The following SP100 variants were observed in gnomAD, a reference collection of about 807,000 sequenced individuals.
SP100 encodes SP100 nuclear body protein.
SP100 carries 84 observed loss-of-function variants against 130.0 expected under a neutral mutation model. The observed-to-expected ratio is 0.65, with a 90% CI of 0.54 to 0.77. The LOEUF is 0.77. Ranked by LOEUF, SP100 falls within the 30% of genes least tolerant of loss-of-function variation. SP100 has a pLI of 0.00. For missense variants in SP100, 978 were observed against 1,052.2 expected, an observed-to-expected ratio of 0.93 and a Z score of 0.97; for synonymous variants, 331 against 351.7, an observed-to-expected ratio of 0.94 and a Z score of 0.66.
chr2:230,522,256 G>T (rs1202765310), intron 24 of SP100, among the ~76,000 whole-genome samples: 1 of 152,104 alleles, frequency 6.6e-6, no homozygotes, highest in Non-Finnish European at 1.5e-5. Context: ...TTTGGTGATT[G>T]TGTGTGTGTT....
At position 230,542,038 on chromosome 2, in the gene SP100, G is replaced by A. The variant is rs566116933; in HGVS notation, c.2547+3G>A. ...ATAACCACAAGGAATTTTACAGGGTGAGTGGCTCTCCCTGCTTCCTTTTCT... is the reference window on the plus strand; with the variant it reads ...ATAACCACAAGGAATTTTACAGGGTAAGTGGCTCTCCCTGCTTCCTTTTCT... On this transcript the variant is annotated splice_donor_region_variant and intron_variant, in intron 28 of 28. Coordinates refer to ENST00000340126, the MANE Select transcript of SP100 (RefSeq NM_001080391.2). The A allele has an allele frequency of 1.5e-5, 25 of 1,613,828 alleles. No homozygotes were observed. The South Asian group carries it at 2.3e-4, about 15-fold the overall frequency.
chr2:230,538,223 A>C (rs1262850350), intron 24 of SP100: 1 of 152,180 alleles, frequency 6.6e-6, no homozygotes, highest in Non-Finnish European at 1.5e-5. Flanking sequence ...ATTCTTACTA[A>C]AAAGGTTAAA....
intron 17 of SP100, among the ~76,000 whole-genome samples, chr2:230,488,428 T>G (rs1223557164): frequency 3.9e-5 from 6 of 152,222 alleles, no homozygotes; most frequent in Non-Finnish European, 7.4e-5. Context: ...TGTTGTTGTT[T>G]TTTGAGACGG....
intron 24 of SP100, chr2:230,538,145 T>G (rs1488331856): frequency 6.6e-6 from 1 of 152,188 alleles, no homozygotes; most frequent in Non-Finnish European, 1.5e-5. Flanking sequence ...TCCAGAGATG[T>G]TTTTTAATGC....
intron 18 of SP100, 26 bp from the exon 19 acceptor site, chr2:230,498,435 A>G (rs750976426): frequency 1.7e-5 from 23 of 1,377,146 alleles, no homozygotes; most frequent in South Asian, 8.5e-5. Flanking sequence ...TACACCATCC[A>G]TATTTATATT....
intron 1 of SP100, 150 bp downstream of exon 1, chr2:230,416,478 T>G: frequency 1.3e-6 from 1 of 744,578 alleles, no homozygotes; most frequent in South Asian, 1.9e-5. Context: ...GAAAGACAAG[T>G]AATGAGGAAA....
Position 230,511,173 on chromosome 2 carries a change from A to C in SP100, c.2094+7A>C. The C allele has an allele frequency of 6.2e-7, 1 of 1,603,604 alleles. No individual in the cohort carries two copies. The highest frequency in any genetic ancestry group is 8.5e-7 in the Non-Finnish European group (1 of 1,170,468). ...TACCTTAGTTGACCCTTGTGTAAGTATAAATTTCCGACTATGACCCCAAAA... is the reference window on the plus strand; with the variant it reads ...TACCTTAGTTGACCCTTGTGTAAGTCTAAATTTCCGACTATGACCCCAAAA... On this transcript the variant is annotated splice_region_variant and intron_variant, in intron 24 of 28. Transcript: ENST00000340126.
chr2:230,529,688 T>A (rs1285231038), intron 24 of SP100, among the ~76,000 whole-genome samples: 1 of 152,236 alleles, frequency 6.6e-6, no homozygotes, highest in East Asian at 1.9e-4. Flanking sequence ...TCCCATCGTC[T>A]CAGCCCAAAA....
At chr2:230,463,460 A>G (rs2064774356) in intron 10 of SP100, among the ~76,000 whole-genome samples, 1 of 152,166 alleles carries the variant, frequency 6.6e-6, no homozygotes, top group African/African-American at 2.4e-5. Flanking sequence ...CTAGGGAAAG[A>G]CCTAAGAGCA....
intron 8 of SP100, among the ~76,000 whole-genome samples, chr2:230,457,873 GC>G (rs1476281477): frequency 4.6e-5 from 7 of 152,084 alleles, no homozygotes; most frequent in Admixed American, 3.3e-4. Context: ...TTCTATAAGG[GC>G]AAAACTTCCC....
chr2:230,524,198 A>AG (rs1420637165), intron 24 of SP100, among the ~76,000 whole-genome samples: 28 of 148,998 alleles, frequency 1.9e-4, no homozygotes, highest in Non-Finnish European at 3.4e-4. Context: ...AAAAAAAAAA[A>AG]AAAGAAAATT....
At chr2:230,417,521 A>G (rs2149849348) in intron 1 of SP100, 70 bp from the exon 2 acceptor site, 1 of 1,549,752 alleles carries the variant, frequency 6.5e-7, no homozygotes. Context: ...TTGTCTCTAA[A>G]CCTTAAAAAT....
intron 2 of SP100, among the ~76,000 whole-genome samples, chr2:230,439,609 T>C (rs1363345232): frequency 6.6e-6 from 1 of 152,044 alleles, no homozygotes; most frequent in Non-Finnish European, 1.5e-5. Flanking sequence ...TTTTTATTTA[T>C]TTATTTTTTT....
At chr2:230,515,493 G>C in intron 24 of SP100, 1 of 1,612,956 alleles carries the variant, frequency 6.2e-7, no homozygotes, top group Non-Finnish European at 8.5e-7. Context: ...AATACAAAAA[G>C]GATATTGCTG....
intron 24 of SP100, among the ~76,000 whole-genome samples, chr2:230,535,343 T>C (rs1202748983): frequency 6.6e-6 from 1 of 152,212 alleles, no homozygotes; most frequent in Non-Finnish European, 1.5e-5. Context: ...AGAAACTAAC[T>C]GAAAAACTGA....
rs149025504 is a variant in SP100, at chr2:230,541,339, G to A, written c.2370G>A (p.Ser790=). The A allele has an allele frequency of 1.2e-4, 189 of 1,614,010 alleles. No homozygotes were observed. Among genetic ancestry groups the A allele is most frequent in the African/African-American group, 2.8e-4 (21 of 75,040 alleles). The change falls in exon 27 of 29, where the codon TCG becomes TCA. Residue 790 remains serine (S), a synonymous_variant. Transcript: ENST00000340126. ...EFLLLKVYCD[S]KSCFFASEPY... ...TCCTCTTGAAGGTCTACTGTGATTC[G>A]AAAAGCTGCTTTTTCGCCTCAGAAC...
intron 24 of SP100, among the ~76,000 whole-genome samples, chr2:230,529,258 C>T (rs913957774): frequency 3.9e-5 from 6 of 152,194 alleles, no homozygotes; most frequent in African/African-American, 1.4e-4. Flanking sequence ...CCCTGGGATT[C>T]AAGGCTGGTT....
chr2:230,465,805 A>G (rs1649867), intron 11 of SP100, among the ~76,000 whole-genome samples: 36,826 of 152,068 alleles, frequency 0.24, 5,114 homozygotes, highest in Middle Eastern at 0.33. Flanking sequence ...AGGATTATGG[A>G]GAGAGCTGGG....
At chr2:230,517,484 A>C (rs1690976175) in intron 24 of SP100, among the ~76,000 whole-genome samples, 1 of 152,162 alleles carries the variant, frequency 6.6e-6, no homozygotes, top group South Asian at 2.1e-4. Context: ...GTTTTGGGCC[A>C]GGCGCCATAG....
Sources: allele counts gnomAD v4.1 joint callset (sites outside exome capture counted in the v4.1 genomes callset), GRCh38; gene constraint gnomAD v4.1.1; transcripts MANE v1.5; gene names NCBI Gene and HGNC (gene_info 2026-07-23, HGNC 2026-07-21).